The following RBBP4 variants were observed in gnomAD, a reference collection of about 807,000 sequenced individuals.
RBBP4 encodes RB binding protein 4, chromatin remodeling factor.
A neutral mutation model predicts 57.2 loss-of-function variants in RBBP4; 3 were observed. The observed-to-expected ratio is 0.05, with a 90% CI of 0.02 to 0.14. The LOEUF is 0.14. RBBP4 is among the 10% of genes least tolerant of loss of function. RBBP4 has a pLI of 1.00. For missense variants in RBBP4, 107 were observed against 520.6 expected (o/e 0.21, Z 7.73); for synonymous variants, 151 against 171.5 (o/e 0.88, Z 0.93).
At chr1:32,656,956 T>G (rs1010894220) in intron 2 of RBBP4, among the ~76,000 whole-genome samples, 1 of 152,186 alleles carries the variant, frequency 6.6e-6, no homozygotes, top group African/African-American at 2.4e-5. Context: ...AACGTTTTAC[T>G]TTTTCTCCAG....
intron 3 of RBBP4, among the ~76,000 whole-genome samples, chr1:32,658,025 G>A (rs575324724): frequency 6.6e-6 from 1 of 152,096 alleles, no homozygotes; most frequent in South Asian, 2.1e-4. Flanking sequence ...GTTAATTTTT[G>A]TATTTTTAGT....
intron 3 of RBBP4, among the ~76,000 whole-genome samples, chr1:32,659,951 G>C (rs1032107124): frequency 1.3e-5 from 2 of 152,136 alleles, no homozygotes; most frequent in Non-Finnish European, 2.9e-5. Context: ...TAATATAATT[G>C]ATACTGCTAA....
chr1:32,672,581 T>C (rs1648924090), intron 9 of RBBP4, 55 bp downstream of exon 9: 1 of 1,597,384 alleles, frequency 6.3e-7, no homozygotes, highest in Non-Finnish European at 8.6e-7. Flanking sequence ...ATTTACACTT[T>C]GCAAAGGTAG....
At chr1:32,660,182 C>T (rs904854082) in intron 3 of RBBP4, among the ~76,000 whole-genome samples, 1 of 152,284 alleles carries the variant, frequency 6.6e-6, no homozygotes, top group African/African-American at 2.4e-5. Context: ...ACCTTCTCCA[C>T]CCAATAAATA....
rs112382932 is a variant in RBBP4, at chr1:32,680,747, TG to T, written c.*1044del. Reference sequence around the variant, plus strand: ...TCCTTCAGATGACAGTTGTTGTCCATGGTCTTTGACTATCAAGAGCAGAATT... The same window carrying T: ...TCCTTCAGATGACAGTTGTTGTCCATGTCTTTGACTATCAAGAGCAGAATT... On this transcript the variant is annotated 3_prime_UTR_variant, in exon 12 of 12. Transcript: ENST00000373493. The T allele has an allele frequency of 3.7e-3, 1,981 of 535,586 alleles. 30 individuals are homozygous for T. The highest frequency in any genetic ancestry group is 0.033 in the African/African-American group (1,684 of 50,762). 33.2% of individuals were successfully genotyped at this position (535,586 alleles called of 1,614,324 possible).
intron 11 of RBBP4, 68 bp from the exon 12 acceptor site, chr1:32,679,572 C>A: frequency 1.4e-6 from 2 of 1,404,514 alleles, no homozygotes; most frequent in Non-Finnish European, 1.9e-6. Context: ...CTGGCCTAAT[C>A]TGTTGTTGAA....
At chr1:32,674,524 G>A (rs576823357) in intron 11 of RBBP4, among the ~76,000 whole-genome samples, 101 of 148,712 alleles carry the variant, frequency 6.8e-4, no homozygotes, top group Middle Eastern at 3.4e-3. Context: ...CTGCCCACCC[G>A]CCCCCCACTT....
intron 8 of RBBP4, among the ~76,000 whole-genome samples, chr1:32,670,500 T>G (rs1272370648): frequency 6.6e-6 from 1 of 152,216 alleles, no homozygotes. Flanking sequence ...GTTCAAAGCT[T>G]GTTGCTACGG....
chr1:32,661,104 A>G (rs1648383926), intron 3 of RBBP4, among the ~76,000 whole-genome samples: 1 of 152,150 alleles, frequency 6.6e-6, no homozygotes, highest in Non-Finnish European at 1.5e-5. Context: ...ATGAGCCACT[A>G]TACTCAGCCA....
Position 32,657,519 on chromosome 1 carries a change from T to A in RBBP4, c.257T>A (p.Leu86His). ...QNHLVIASVQ[L>H]PNDDAQFDAS... ...CATCTTGTTATAGCCAGTGTGCAGCTCCCTAATGATGATGCTCAGTTTGAT... is the reference window on the plus strand; with the variant it reads ...CATCTTGTTATAGCCAGTGTGCAGCACCCTAATGATGATGCTCAGTTTGAT... Residue 86 changes from leucine (L) to histidine (H), a missense_variant, in exon 3 of 12, where the codon CTC becomes CAC. Coordinates refer to ENST00000373493, the MANE Select transcript of RBBP4 (RefSeq NM_005610.3). The A allele has an allele frequency of 6.2e-7, 1 of 1,614,052 alleles. No individual in the cohort carries two copies. The highest frequency in any genetic ancestry group is 8.5e-7 in the Non-Finnish European group (1 of 1,180,004).
Position 32,653,654 on chromosome 1 carries a change from TTTTTTG to T in RBBP4, c.164+1605_164+1610del, listed in dbSNP as rs1648002017. On this transcript the variant is annotated intron_variant, in intron 2 of 11. Coordinates refer to ENST00000373493, the MANE Select transcript of RBBP4 (RefSeq NM_005610.3). The stretch of plus-strand genomic sequence containing the variant: ...GTTTTCTGGTTTTTTTTTTTTTTTT[TTTTTTG>T]TTTTTGTTTTTTTTTTTGAGACGGA... Among the ~76,000 whole-genome samples the T allele has an allele frequency of 1.5e-3, 74 of 50,996 alleles. 1 individual carries two copies. The highest frequency in any genetic ancestry group is 6.3e-3 in the African/African-American group (69 of 10,990). The allele number at this position is 50,996 out of a possible 152,430, so 33.5% of individuals were successfully genotyped here. A position where few individuals can be genotyped will look rare whatever the true frequency, so the allele number is the denominator to read the frequency against.
At chr1:32,667,847 A>G (rs1285513321) in intron 3 of RBBP4, among the ~76,000 whole-genome samples, 1 of 152,152 alleles carries the variant, frequency 6.6e-6, no homozygotes, top group Non-Finnish European at 1.5e-5. Context: ...ATGTCTCTAG[A>G]TTACCTATAA....
Position 32,680,123 on chromosome 1 carries a change from TAGG to T in RBBP4, c.*419_*421del. ...AAAGATGTCACTTTTATTCAGGAAA[TAGG>T]GGGAGATTCAAGTCATATAGATTCC... On this transcript the variant is annotated 3_prime_UTR_variant, in exon 12 of 12. Coordinates refer to ENST00000373493, the MANE Select transcript of RBBP4 (RefSeq NM_005610.3). 1 of 1,066,994 alleles carries T rather than the reference TAGG, an allele frequency of 9.4e-7. No homozygotes were observed. The highest frequency in any genetic ancestry group is 1.7e-5 in the African/African-American group (1 of 59,310). The allele number at this position is 1,066,994 out of a possible 1,614,324, so 66.1% of individuals were successfully genotyped here.
chr1:32,655,294 G>T (rs1342978234), intron 2 of RBBP4, among the ~76,000 whole-genome samples: 1 of 152,098 alleles, frequency 6.6e-6, no homozygotes, highest in Admixed American at 6.6e-5. Flanking sequence ...TGTTTTTTAA[G>T]ATGAGGATTA....
chr1:32,662,627 G>A (rs909556958), intron 3 of RBBP4, among the ~76,000 whole-genome samples: 2 of 151,914 alleles, frequency 1.3e-5, no homozygotes, highest in East Asian at 3.9e-4. Flanking sequence ...ACCTGCCTCA[G>A]CCTCCCAAAG....
At chr1:32,665,678 T>TTA (rs561623612) in intron 3 of RBBP4, among the ~76,000 whole-genome samples, 4 of 136,574 alleles carry the variant, frequency 2.9e-5, no homozygotes, top group African/African-American at 1.1e-4. Context: ...ACCCTGTCTT[T>TTA]AAAAAAAAAA....
chr1:32,655,657 A>C (rs1648107442), intron 2 of RBBP4, among the ~76,000 whole-genome samples: 1 of 152,008 alleles, frequency 6.6e-6, no homozygotes, highest in African/African-American at 2.4e-5. Context: ...GGTATATCTT[A>C]CTGGCTTCCC....
chr1:32,674,315 CCT>C (rs1019241380), intron 11 of RBBP4, among the ~76,000 whole-genome samples: 2 of 7,184 alleles, frequency 2.8e-4, no homozygotes, highest in Non-Finnish European at 0.012. Context: ...CTCACTGCAG[CCT>C]CCAATTCCCG....
chr1:32,651,929 C>T lies in RBBP4; in HGVS notation c.32C>T (p.Ala11Val). The T allele has an allele frequency of 6.2e-7, 1 of 1,613,828 alleles. No individual in the cohort carries two copies. Among genetic ancestry groups the T allele is most frequent in the Admixed American group, 1.7e-5 (1 of 59,952 alleles). The change falls in exon 2 of 12, where the codon GCA becomes GTA. Residue 11 changes from alanine (A) to valine (V), a missense_variant. Physicochemically the swap from Ala to Val is moderately conservative, Grantham distance 64. This residue lies in a region of RBBP4 where 92 missense variants were observed against 408.5 expected (regional missense o/e 0.23). Coordinates refer to ENST00000373493, the MANE Select transcript of RBBP4 (RefSeq NM_005610.3). ...AAAATTTTAGCAGCCTTCGACGACG[C>T]AGTGGAAGAACGAGTGATCAACGAG... MADKEAAFDD[A>V]VEERVINEEY...
Sources: allele counts gnomAD v4.1 joint callset (sites outside exome capture counted in the v4.1 genomes callset), GRCh38; gene constraint gnomAD v4.1.1; regional missense constraint gnomAD v4.1.1; transcripts MANE v1.5; gene names NCBI Gene and HGNC (gene_info 2026-07-23, HGNC 2026-07-21).